RPSA2: variants seen among roughly 807,000 people sequenced by gnomAD.
RPSA2 encodes the protein small ribosomal subunit protein uS2B.
At chr19:23,827,647 A>T in the RPSA2 span, 4 of 1,595,896 alleles carry the variant, frequency 2.5e-6, no homozygotes, top group South Asian at 3.3e-5. Flanking sequence ...TTGCCATCCC[A>T]TGCAACAACA....
At chr19:23,770,318 G>C in the RPSA2 span, among the ~76,000 whole-genome samples, 1 of 152,192 alleles carries the variant, frequency 6.6e-6, no homozygotes, top group Admixed American at 6.5e-5. Flanking sequence ...CTCCTCTTCT[G>C]CCTAAGCCCT....
At chr19:23,798,830 A>G in the RPSA2 span, 1 of 119,740 alleles carries the variant, frequency 8.4e-6, no homozygotes, top group Non-Finnish European at 1.7e-5. Flanking sequence ...AAGACAGATG[A>G]TGTGGCCACC....
At chr19:23,845,821 CTGTT>C in the RPSA2 span, among the ~76,000 whole-genome samples, 8 of 151,390 alleles carry the variant, frequency 5.3e-5, no homozygotes, top group South Asian at 4.2e-4. Context: ...TTTACAGTGA[CTGTT>C]TGGGATCATG....
At chr19:23,830,995 G>C in the RPSA2 span, among the ~76,000 whole-genome samples, 3 of 152,042 alleles carry the variant, frequency 2.0e-5, no homozygotes, top group African/African-American at 7.2e-5. Flanking sequence ...CTGAAATTTT[G>C]TGTTTAATTT....
chr19:23,830,577 A>G, the RPSA2 span, among the ~76,000 whole-genome samples: 1 of 3,282 alleles, frequency 3.0e-4, no homozygotes, highest in Non-Finnish European at 2.7e-3. Flanking sequence ...TTTTTACATC[A>G]TATTTTCTTT....
the RPSA2 span, chr19:23,827,134 C>T: frequency 2.0e-5 from 15 of 767,220 alleles, no homozygotes; most frequent in African/African-American, 1.2e-4. Context: ...TCTGGATTCC[C>T]GTCGTAACTT....
At chr19:23,758,680 G>A in the RPSA2 span, 11 of 1,613,010 alleles carry the variant, frequency 6.8e-6, no homozygotes, top group Non-Finnish European at 8.5e-6. Context: ...GGAGCTGACT[G>A]CGGCGAGGTC....
the RPSA2 span, among the ~76,000 whole-genome samples, chr19:23,840,932 A>C: frequency 1.4e-5 from 2 of 145,072 alleles, no homozygotes; most frequent in African/African-American, 5.1e-5. Flanking sequence ...ATTGCACTCC[A>C]GCCTGGGTGA....
At chr19:23,831,362 T>TC in the RPSA2 span, among the ~76,000 whole-genome samples, 1 of 152,108 alleles carries the variant, frequency 6.6e-6, no homozygotes, top group African/African-American at 2.4e-5. Flanking sequence ...TTCCTTTTTT[T>TC]CTTTGTGCTC....
At chr19:23,768,119 A>C in the RPSA2 span, among the ~76,000 whole-genome samples, 1 of 152,062 alleles carries the variant, frequency 6.6e-6, no homozygotes, top group African/African-American at 2.4e-5. Flanking sequence ...AGCTTAAAAG[A>C]TGTTTAAAAA....
At chr19:23,826,955 G>T in the RPSA2 span, 9 of 564,238 alleles carry the variant, frequency 1.6e-5, no homozygotes, top group Non-Finnish European at 2.5e-5. Context: ...CTCCCAAAGT[G>T]CTGGGATTAC....
the RPSA2 span, chr19:23,823,674 G>T: frequency 2.6e-5 from 4 of 152,224 alleles, no homozygotes; most frequent in Non-Finnish European, 5.9e-5. Flanking sequence ...GTTACACCTT[G>T]GAAGGTGATC....
At chr19:23,771,576 T>G in the RPSA2 span, among the ~76,000 whole-genome samples, 2 of 150,514 alleles carry the variant, frequency 1.3e-5, no homozygotes, top group African/African-American at 4.9e-5. Flanking sequence ...CTGGGCCCAG[T>G]GTACAGACGG....
chr19:23,802,925 AAG>A, the RPSA2 span, among the ~76,000 whole-genome samples: 3 of 152,342 alleles, frequency 2.0e-5, no homozygotes, highest in South Asian at 2.1e-4. Flanking sequence ...ATTTATAAAC[AAG>A]AGTTATTATT....
chr19:23,818,120 T>G, the RPSA2 span: 1 of 152,218 alleles, frequency 6.6e-6, no homozygotes, highest in Non-Finnish European at 1.5e-5. Flanking sequence ...CACTATGACT[T>G]AATTTTTCAT....
the RPSA2 span, among the ~76,000 whole-genome samples, chr19:23,817,213 C>G: frequency 1.3e-5 from 2 of 152,094 alleles, no homozygotes; most frequent in Non-Finnish European, 2.9e-5. Context: ...GAAACCCTGT[C>G]TCTACTAAAT....
chr19:23,835,401 ACAAAATAAAT>A, the RPSA2 span, among the ~76,000 whole-genome samples: 1 of 152,140 alleles, frequency 6.6e-6, no homozygotes, highest in African/African-American at 2.4e-5. Context: ...AAATATTAGA[ACAAAATAAAT>A]CATTTTAATC....
chr19:23,850,927 C>T, the RPSA2 span, among the ~76,000 whole-genome samples: 1 of 152,170 alleles, frequency 6.6e-6, no homozygotes, highest in Non-Finnish European at 1.5e-5. Context: ...CGTTCCACAA[C>T]AGCCTGTCCC....
At chr19:23,868,516 A>G in the RPSA2 span, among the ~76,000 whole-genome samples, 1 of 152,108 alleles carries the variant, frequency 6.6e-6, no homozygotes, top group Non-Finnish European at 1.5e-5. Flanking sequence ...GAAAACAAAA[A>G]AAAAGGGTGA....
Sources: gnomAD v4.1 joint callset for allele counts (sites outside exome capture counted in the v4.1 genomes callset) on GRCh38, gnomAD v4.1.1 for gene constraint, MANE v1.5 for transcripts, NCBI Gene and HGNC (gene_info 2026-07-23, HGNC 2026-07-21) for gene names.